Variants in NAA11 observed in about 807,000 individuals in gnomAD.
NAA11 encodes the protein N-alpha-acetyltransferase 11.
In NAA11, 15 loss-of-function variants were observed where a neutral mutation model predicts 16.1. The ratio of observed to expected loss-of-function variants is 0.93; its 90% confidence interval spans 0.62 to 1.44. The LOEUF is 1.44. Among genes scored for constraint, NAA11 ranks in the 40% most tolerant of loss-of-function variants. The probability of loss-of-function intolerance (pLI) is 0.00; values close to 1 mark genes in which losing one functional copy is unlikely to be tolerated. For synonymous variants in NAA11, 122 were observed against 112.4 expected (o/e 1.09, Z -0.54); for missense variants, 298 against 291.3 (o/e 1.02, Z -0.17).
intron 2 of NAA11, among the ~76,000 whole-genome samples, chr4:79,231,506 G>A (rs1164975498): frequency 4.6e-5 from 7 of 151,906 alleles, no homozygotes; most frequent in African/African-American, 1.4e-4. Flanking sequence ...CAGGGACACA[G>A]CCTTTTCCAA....
intron 1 of NAA11, among the ~76,000 whole-genome samples, chr4:79,295,776 T>C (rs929613441): frequency 2.0e-5 from 3 of 152,238 alleles, no homozygotes; most frequent in African/African-American, 7.2e-5. Context: ...TAAAGTATCA[T>C]GCTTCTCATA....
intron 2 of NAA11, among the ~76,000 whole-genome samples, chr4:79,239,728 T>C (rs1360862657): frequency 6.6e-6 from 1 of 152,026 alleles, no homozygotes; most frequent in Non-Finnish European, 1.5e-5. Flanking sequence ...TGAATGGACC[T>C]CTTATAATGG....
At chr4:79,297,190 C>T (rs1450473232) in intron 1 of NAA11, among the ~76,000 whole-genome samples, 2 of 152,158 alleles carry the variant, frequency 1.3e-5, no homozygotes, top group African/African-American at 2.4e-5. Context: ...GAACTGGCCC[C>T]GGAGTGGTGC....
rs112003084 is a variant in NAA11, at chr4:79,307,454, T to A, written c.*13-13340A>T. ...TTAGCTTTGGCTGAGGATTTTTTTTTATATGGTAGAATATGAGCCTTATAT... is the reference window on the plus strand; with the variant it reads ...TTAGCTTTGGCTGAGGATTTTTTTTAATATGGTAGAATATGAGCCTTATAT... On this transcript the variant is annotated intron_variant and NMD_transcript_variant, in intron 1 of 2. Transcript: ENST00000511542. Among the ~76,000 whole-genome samples the A allele has an allele frequency of 3.9e-5, 6 of 152,312 alleles. 1 individual carries two copies. The highest frequency in any genetic ancestry group is 1.4e-4 in the African/African-American group (6 of 41,552).
chr4:79,254,461 G>A (rs1319324097), intron 2 of NAA11, among the ~76,000 whole-genome samples: 1 of 152,110 alleles, frequency 6.6e-6, no homozygotes, highest in Non-Finnish European at 1.5e-5. Context: ...AATCTAGTTT[G>A]TATAACATAG....
intron 1 of NAA11, among the ~76,000 whole-genome samples, chr4:79,323,013 C>T (rs538451539): frequency 8.5e-5 from 13 of 152,300 alleles, no homozygotes; most frequent in Non-Finnish European, 1.5e-4. Flanking sequence ...TTCTTAAATG[C>T]TATATAATAT....
At chr4:79,215,946 A>G in the NAA11 span, among the ~76,000 whole-genome samples, 1 of 152,192 alleles carries the variant, frequency 6.6e-6, no homozygotes, top group African/African-American at 2.4e-5. Flanking sequence ...ATTATTAACT[A>G]TTATTGACTT....
chr4:79,175,082 G>A, the NAA11 span, among the ~76,000 whole-genome samples: 1 of 152,086 alleles, frequency 6.6e-6, no homozygotes, highest in African/African-American at 2.4e-5. Context: ...ACAGTTTGCT[G>A]CTCATTTCTG....
At position 79,316,769 on chromosome 4, in the gene NAA11, A is replaced by C. The variant is rs1385710689; in HGVS notation, c.*1035T>G. On this transcript the variant is annotated 3_prime_UTR_variant, in exon 2 of 2. Transcript: ENST00000286794. Reference sequence around the variant, plus strand: ...GGTTATATAAATATTTACAATTGACATACAGTAGCCATGTATTAAGCAAAC... The same window carrying C: ...GGTTATATAAATATTTACAATTGACCTACAGTAGCCATGTATTAAGCAAAC... The C allele has an allele frequency of 6.6e-6, 1 of 152,208 alleles. No homozygotes were observed. Among genetic ancestry groups the C allele is most frequent in the Admixed American group, 6.5e-5 (1 of 15,284 alleles). The allele number at this position is 152,208 out of a possible 1,614,324, so 9.4% of individuals were successfully genotyped here. A position where few individuals can be genotyped will look rare whatever the true frequency, so the allele number is the denominator to read the frequency against.
chr4:79,188,109 A>C, the NAA11 span, among the ~76,000 whole-genome samples: 1 of 151,966 alleles, frequency 6.6e-6, no homozygotes, highest in Admixed American at 6.5e-5. Context: ...GATTGTAACA[A>C]ATTTTCTCCC....
Position 79,299,478 on chromosome 4 carries a change from C to T in NAA11, c.*13-5364G>A, listed in dbSNP as rs1410940340. 4 of 152,324 alleles carry T rather than the reference C, an allele frequency of 2.6e-5. No individual in the cohort carries two copies. In the East Asian group the frequency reaches 5.8e-4, roughly 22 times the overall value. 9.4% of individuals were successfully genotyped at this position (152,324 alleles called of 1,614,324 possible). A position where few individuals can be genotyped will look rare whatever the true frequency, so the allele number is the denominator to read the frequency against. On this transcript the variant is annotated intron_variant and NMD_transcript_variant, in intron 1 of 2. Transcript: ENST00000511542. ...AGACTAAAAAGGCTTATAAGAATAT[C>T]AAGACCCCAATGTTGTACTTATGGT...
rs747847633 is a variant in NAA11, at chr4:79,271,975, G to C, written c.*122+22030C>G. Among the ~76,000 whole-genome samples, 15 of 151,170 alleles carry C rather than the reference G, an allele frequency of 9.9e-5. 1 individual carries two copies. The highest frequency in any genetic ancestry group is 2.0e-4 in the Admixed American group (3 of 15,160). On this transcript the variant is annotated intron_variant and NMD_transcript_variant, in intron 2 of 2. Transcript: ENST00000511542. Reference sequence around the variant, plus strand: ...GTTAATGTATATTATAACTCTTCCTGACAAACATATATATATATATGTATA... The same window carrying C: ...GTTAATGTATATTATAACTCTTCCTCACAAACATATATATATATATGTATA...
chr4:79,324,630 A>C (rs1724201532), intron 1 of NAA11, among the ~76,000 whole-genome samples: 1 of 152,190 alleles, frequency 6.6e-6, no homozygotes, highest in Non-Finnish European at 1.5e-5. Flanking sequence ...AATATTTCAT[A>C]GGTAGTACTG....
At chr4:79,263,252 C>T (rs1262122272) in intron 2 of NAA11, among the ~76,000 whole-genome samples, 1 of 152,040 alleles carries the variant, frequency 6.6e-6, no homozygotes, top group Non-Finnish European at 1.5e-5. Context: ...CATTTAGAAG[C>T]ATGAAAACTT....
the NAA11 span, among the ~76,000 whole-genome samples, chr4:79,169,314 A>G: frequency 1.3e-5 from 2 of 152,216 alleles, no homozygotes; most frequent in Non-Finnish European, 2.9e-5. Context: ...CCTAAGCAAA[A>G]AGAACAAAGC....
the NAA11 span, among the ~76,000 whole-genome samples, chr4:79,186,179 TC>T: frequency 6.6e-6 from 1 of 152,080 alleles, no homozygotes; most frequent in Non-Finnish European, 1.5e-5. Flanking sequence ...TAAAAGGTGT[TC>T]CCCCCGCCTC....
intron 2 of NAA11, among the ~76,000 whole-genome samples, chr4:79,234,976 C>T (rs535042275): frequency 6.6e-6 from 1 of 152,062 alleles, no homozygotes; most frequent in South Asian, 2.1e-4. Context: ...TTGTAACTAT[C>T]TATATGAAGA....
intron 2 of NAA11, among the ~76,000 whole-genome samples, chr4:79,290,461 T>G (rs905556525): frequency 6.6e-6 from 1 of 152,178 alleles, no homozygotes; most frequent in African/African-American, 2.4e-5. Context: ...CCCTCTGCTC[T>G]CTCTCTCATC....
At chr4:79,170,933 CA>C in the NAA11 span, among the ~76,000 whole-genome samples, 123,325 of 151,328 alleles carry the variant, frequency 0.81, 52,532 homozygotes, top group East Asian at 0.99. Context: ...CACAAAAAAA[CA>C]AAAAAAAAAT....
Sources: gnomAD v4.1 joint callset for allele counts (sites outside exome capture counted in the v4.1 genomes callset) on GRCh38, gnomAD v4.1.1 for gene constraint, MANE v1.5 for transcripts, NCBI Gene and HGNC (gene_info 2026-07-23, HGNC 2026-07-21) for gene names.